CNTNAP2: variants seen among roughly 807,000 people sequenced by gnomAD.
CNTNAP2 encodes contactin-associated protein-like 2.
Under a neutral mutation model 155.2 loss-of-function variants are expected in CNTNAP2, and 98 were observed. The observed-to-expected ratio is 0.63, with a 90% CI of 0.54 to 0.75. The LOEUF (loss-of-function observed/expected upper bound fraction) is 0.75, where lower values mean the gene tolerates loss of function less well. Ranked by LOEUF, CNTNAP2 falls within the 30% of genes least tolerant of loss-of-function variation. The probability of loss-of-function intolerance (pLI) is 0.00; values close to 1 mark genes in which losing one functional copy is unlikely to be tolerated. For synonymous variants in CNTNAP2, 651 were observed against 631.2 expected, an observed-to-expected ratio of 1.03 and a Z score of -0.47; for missense variants, 1,727 against 1,688.1, an observed-to-expected ratio of 1.02 and a Z score of -0.40.
intron 13 of CNTNAP2, among the ~76,000 whole-genome samples, chr7:147,761,443 C>T (rs1797296852): frequency 6.6e-6 from 1 of 152,070 alleles, no homozygotes; most frequent in Admixed American, 6.6e-5. Flanking sequence ...TAGAGGTTTC[C>T]TTCAAAACAG....
intron 1 of CNTNAP2, among the ~76,000 whole-genome samples, chr7:146,737,560 G>C (rs72503067): frequency 6.6e-6 from 1 of 151,922 alleles, no homozygotes; most frequent in Non-Finnish European, 1.5e-5. Flanking sequence ...TTATGTACAG[G>C]TTATACATAA....
At chr7:146,209,534 T>C (rs1799001973) in intron 1 of CNTNAP2, among the ~76,000 whole-genome samples, 1 of 152,194 alleles carries the variant, frequency 6.6e-6, no homozygotes, top group Non-Finnish European at 1.5e-5. Flanking sequence ...TTAGATTTCA[T>C]GAAATTTTGA....
chr7:148,001,677 A>C (rs1032006572), intron 15 of CNTNAP2, among the ~76,000 whole-genome samples: 1 of 152,222 alleles, frequency 6.6e-6, no homozygotes, highest in African/African-American at 2.4e-5. Flanking sequence ...TGTGCATCTT[A>C]ATGAGGATGA....
intron 1 of CNTNAP2, among the ~76,000 whole-genome samples, chr7:146,772,502 C>CAAAAAAA (rs71165037): frequency 1.0e-5 from 1 of 96,238 alleles, no homozygotes; most frequent in Non-Finnish European, 2.4e-5. Context: ...ACTGAAAATA[C>CAAAAAAA]AAAAAAAAAA....
intron 2 of CNTNAP2, among the ~76,000 whole-genome samples, chr7:146,809,070 T>C (rs1670351509): frequency 6.6e-6 from 1 of 152,224 alleles, no homozygotes; most frequent in African/African-American, 2.4e-5. Context: ...TCAGTTTTTT[T>C]AGATTTGTAC....
chr7:147,044,362 A>G (rs1247195482), intron 4 of CNTNAP2, among the ~76,000 whole-genome samples: 1 of 152,142 alleles, frequency 6.6e-6, no homozygotes, highest in African/African-American at 2.4e-5. Flanking sequence ...GCTTATTAAT[A>G]AAATTGCCTT....
At chr7:147,901,655 C>T (rs1799870157) in intron 13 of CNTNAP2, among the ~76,000 whole-genome samples, 1 of 152,200 alleles carries the variant, frequency 6.6e-6, no homozygotes, top group Non-Finnish European at 1.5e-5. Flanking sequence ...CTGTGTAATG[C>T]ATACTTGACC....
chr7:147,419,395 T>C (rs1035577110), intron 10 of CNTNAP2, among the ~76,000 whole-genome samples: 1 of 152,168 alleles, frequency 6.6e-6, no homozygotes, highest in Admixed American at 6.5e-5. Context: ...GATGAAGATA[T>C]ATGGCTAGGA....
chr7:148,261,851 C>T (rs1336613788), intron 20 of CNTNAP2, among the ~76,000 whole-genome samples: 1 of 152,222 alleles, frequency 6.6e-6, no homozygotes, highest in Non-Finnish European at 1.5e-5. Flanking sequence ...CTGGGCAGAG[C>T]CTCTGCTATC....
chr7:147,402,343 G>A (rs373913655), intron 10 of CNTNAP2, among the ~76,000 whole-genome samples: 4 of 152,286 alleles, frequency 2.6e-5, no homozygotes, highest in East Asian at 1.9e-4. Context: ...CAGCCTGGTC[G>A]GCCTTCAGGG....
At chr7:146,173,957 A>G (rs1798431379) in intron 1 of CNTNAP2, among the ~76,000 whole-genome samples, 1 of 152,108 alleles carries the variant, frequency 6.6e-6, no homozygotes, top group Non-Finnish European at 1.5e-5. Context: ...CTGAAATCTC[A>G]ATGCCTAGGG....
At chr7:147,635,470 G>A (rs533511833) in intron 12 of CNTNAP2, among the ~76,000 whole-genome samples, 21 of 152,036 alleles carry the variant, frequency 1.4e-4, no homozygotes, top group African/African-American at 5.1e-4. Context: ...GGTTTCCTTA[G>A]ATACATTCCC....
chr7:146,618,322 C>T (rs747798195), intron 1 of CNTNAP2, among the ~76,000 whole-genome samples: 4 of 152,130 alleles, frequency 2.6e-5, no homozygotes, highest in African/African-American at 4.8e-5. Flanking sequence ...TGTTATTTAT[C>T]TCAAACTACT....
chr7:146,143,244 T>G (rs1290865909), intron 1 of CNTNAP2, among the ~76,000 whole-genome samples: 1 of 152,222 alleles, frequency 6.6e-6, no homozygotes, highest in Non-Finnish European at 1.5e-5. Flanking sequence ...TTTTATTTTC[T>G]TTTTATTATG....
chr7:147,454,493 A>C (rs534862133), intron 10 of CNTNAP2, among the ~76,000 whole-genome samples: 1 of 152,222 alleles, frequency 6.6e-6, no homozygotes, highest in African/African-American at 2.4e-5. Flanking sequence ...TATTTGACCA[A>C]AATCACAAAT....
chr7:148,392,871 C>T (rs952554313), intron 22 of CNTNAP2, among the ~76,000 whole-genome samples: 3 of 150,544 alleles, frequency 2.0e-5, no homozygotes, highest in African/African-American at 4.9e-5. Context: ...AGTGTAACAA[C>T]CCCATACCCC....
chr7:146,355,022 A>G (rs1488615581), intron 1 of CNTNAP2, among the ~76,000 whole-genome samples: 1 of 152,184 alleles, frequency 6.6e-6, no homozygotes, highest in Non-Finnish European at 1.5e-5. Context: ...TACATATTCA[A>G]ATGTACAGTA....
intron 4 of CNTNAP2, among the ~76,000 whole-genome samples, chr7:147,105,435 G>C (rs1584846338): frequency 6.6e-6 from 1 of 152,058 alleles, no homozygotes; most frequent in East Asian, 1.9e-4. Context: ...TCTAGGGAGT[G>C]ATAAGCAATC....
chr7:146,812,840 C>T (rs1291833267), intron 2 of CNTNAP2, among the ~76,000 whole-genome samples: 2 of 152,198 alleles, frequency 1.3e-5, no homozygotes, highest in African/African-American at 2.4e-5. Flanking sequence ...CCAGGGTCCC[C>T]CTGCTCTGTG....
Sources: gnomAD v4.1 joint callset for allele counts (sites outside exome capture counted in the v4.1 genomes callset) on GRCh38, gnomAD v4.1.1 for gene constraint, MANE v1.5 for transcripts, NCBI Gene and HGNC (gene_info 2026-07-23, HGNC 2026-07-21) for gene names.